SEC16B: variants seen among roughly 807,000 people sequenced by gnomAD.
SEC16B encodes protein transport protein Sec16B.
Under a neutral mutation model 141.8 loss-of-function variants are expected in SEC16B, and 115 were observed. The ratio of observed to expected loss-of-function variants is 0.81; its 90% CI spans 0.70 to 0.95. The LOEUF (loss-of-function observed/expected upper bound fraction) is 0.95, where lower values mean the gene tolerates loss of function less well. Among genes scored for constraint, SEC16B ranks in the 40% least tolerant of loss-of-function variants. SEC16B has a pLI of 0.00. For synonymous variants in SEC16B, 493 were observed against 492.5 expected (o/e 1.00, Z -0.01); for missense variants, 1,291 against 1,312.3 (o/e 0.98, Z 0.25).
chr1:177,958,142 C>T lies in SEC16B; in HGVS notation c.1355G>A (p.Gly452Glu). The T allele has an allele frequency of 6.6e-7, 1 of 1,514,670 alleles. No homozygotes were observed. Among genetic ancestry groups the T allele is most frequent in the African/African-American group, 1.4e-5 (1 of 72,176 alleles). The allele number at this position is 1,514,670 out of a possible 1,614,324, so 93.8% of individuals were successfully genotyped here. A position where few individuals can be genotyped will look rare whatever the true frequency, so the allele number is the denominator to read the frequency against. The change falls in exon 10 of 26, where the codon GGA (glycine) becomes GAA (glutamate). Residue 452 changes from glycine to glutamate, a missense_variant. Physicochemically the swap from Gly to Glu is moderately conservative, Grantham distance 98. Around this residue, in one of 3 missense-constraint regions of SEC16B, gnomAD observed 681 missense variants for 675.5 expected, o/e 1.01. Transcript: ENST00000308284. ...GAAGGGCATACTTGCCTTCTTCCTT[C>T]CATAGTAGAGCAGCCTAGTGAATTT... ...VEKFTRLLYY[G>E]RKKEALEWAM...
At chr1:177,950,964 G>T (rs1182379730) in intron 12 of SEC16B, among the ~76,000 whole-genome samples, 1 of 117,708 alleles carries the variant, frequency 8.5e-6, no homozygotes, top group Non-Finnish European at 1.7e-5. Context: ...AAGGAAAGAA[G>T]GAAGGAAGGG....
rs373416583 is a variant in SEC16B, at chr1:177,965,924, A to G, written c.381T>C (p.His127=). Residue 127 remains histidine, a synonymous_variant, in exon 3 of 26, where the codon CAT becomes CAC. Transcript: ENST00000308284. ...EEYAYGSYYY[H]GHPQWLQEER... is the part of the protein sequence containing the mutation. ...CTTCCTGCAGCCACTGTGGGTGTCC[A>G]TGATAGTAATAACTTCCATAAGCAT... 6 of 1,597,066 alleles carry G rather than the reference A, an allele frequency of 3.8e-6. No individual in the cohort carries two copies. The highest frequency in any genetic ancestry group is 2.2e-5 in the East Asian group (1 of 44,482).
At position 177,932,516 on chromosome 1, in the gene SEC16B, C is replaced by G. The variant is rs760550726; in HGVS notation, c.2986G>C (p.Gly996Arg). The change falls in exon 24 of 26, where the codon GGG becomes CGG. Residue 996 changes from glycine to arginine, a missense_variant. Gly to Arg is a moderately radical substitution (Grantham distance 125). Transcript: ENST00000308284. ...ASSGGAAAGAGVGGLSGPESV... is the reference protein window; with the variant it reads ...ASSGGAAAGARVGGLSGPESV... ...TCTGGTCCAGACAAGCCTCCAACCC[C>G]AGCGCCCGCAGCTGCTCCCCCGCTG... The G allele has an allele frequency of 9.0e-6, 14 of 1,553,066 alleles. No homozygotes were observed. Among genetic ancestry groups the G allele is most frequent in the African/African-American group, 1.4e-5 (1 of 72,918 alleles).
chr1:177,937,168 C>T (rs1650904331), intron 19 of SEC16B, 46 bp downstream of exon 19: 2 of 1,554,884 alleles, frequency 1.3e-6, no homozygotes, highest in Non-Finnish European at 1.7e-6. Context: ...TTCCTCCCCA[C>T]CCAGACCCTA....
chr1:177,939,920 CT>C (rs1324527864), intron 17 of SEC16B, 143 bp from the exon 18 acceptor site: 5 of 691,662 alleles, frequency 7.2e-6, no homozygotes, highest in Non-Finnish European at 9.6e-6. Flanking sequence ...GCTTAGGGGC[CT>C]GGGGGGTCAC....
upstream of SEC16B, among the ~76,000 whole-genome samples, chr1:177,974,629 C>T (rs796783994): frequency 3.3e-5 from 5 of 152,218 alleles, no homozygotes; most frequent in African/African-American, 1.2e-4. Context: ...TCAGTAGGGC[C>T]ATGGTCAAGG....
intron 1 of SEC16B, among the ~76,000 whole-genome samples, chr1:177,982,792 C>A (rs1216200077): frequency 6.6e-6 from 1 of 152,142 alleles, no homozygotes; most frequent in East Asian, 1.9e-4. Flanking sequence ...TTATTTCAAG[C>A]AATTTCATTT....
At chr1:177,966,052 A>AAGAGAG in intron 2 of SEC16B, 47 bp from the exon 3 acceptor site, 1 of 1,212,570 alleles carries the variant, frequency 8.2e-7, no homozygotes, top group Non-Finnish European at 1.2e-6. Context: ...AAGGGTAGTA[A>AAGAGAG]AGAGAGAAAC....
intron 1 of SEC16B, among the ~76,000 whole-genome samples, chr1:177,969,240 C>G (rs1316716588): frequency 6.6e-6 from 1 of 152,138 alleles, no homozygotes; most frequent in African/African-American, 2.4e-5. Flanking sequence ...GAAATTGAGA[C>G]GTCACTCTGC....
chr1:177,933,586 T>C lies in SEC16B; in HGVS notation c.2622A>G (p.Ser874=). 1 of 1,614,006 alleles carries C rather than the reference T, an allele frequency of 6.2e-7. No homozygotes were observed. Among genetic ancestry groups the C allele is most frequent in the African/African-American group, 1.3e-5 (1 of 75,054 alleles). ...AGGACTCCTTCTCATCCTCCTTGGC[T>C]GAACTGGCGGAACTCTCAGAAATAC... The part of the protein sequence containing the change: ...PRSISESSAS[S]AKEDEKESSD... Residue 874 remains serine, a synonymous_variant, in exon 21 of 26, where the codon TCA becomes TCG. Transcript: ENST00000308284.
intron 24 of SEC16B, 128 bp from the exon 25 acceptor site, chr1:177,930,771 C>T: frequency 1.6e-6 from 1 of 632,988 alleles, no homozygotes; most frequent in Non-Finnish European, 2.8e-6. Context: ...TCCTTATCGA[C>T]TCTCCAAAGG....
Position 177,958,218 on chromosome 1 carries a change from G to A in SEC16B, c.1279C>T (p.Leu427Phe), listed in dbSNP as rs773181435. The A allele has an allele frequency of 1.2e-6, 2 of 1,603,268 alleles. No individual in the cohort carries two copies. Among genetic ancestry groups the A allele is most frequent in the African/African-American group, 2.7e-5 (2 of 74,674 alleles). Residue 427 changes from leucine to phenylalanine, a missense_variant, in exon 10 of 26, where the codon CTC becomes TTC. Transcript: ENST00000308284. ...ACACTGGGGGGGATCTCTCCCGTGAGCAGGTTCGGGGTCCCAGAGCTCAGC... is the reference window on the plus strand; with the variant it reads ...ACACTGGGGGGGATCTCTCCCGTGAACAGGTTCGGGGTCCCAGAGCTCAGC... The part of the protein sequence containing the change: ...PVLSSGTPNL[L>F]TGEIPPSVET...
upstream of SEC16B, among the ~76,000 whole-genome samples, chr1:177,970,928 T>G (rs1653915779): frequency 6.6e-6 from 1 of 152,178 alleles, no homozygotes. Context: ...TAGTCTCTCA[T>G]GTCTGTCCTT....
chr1:177,945,103 T>C (rs1164449353), intron 14 of SEC16B, among the ~76,000 whole-genome samples: 2 of 152,124 alleles, frequency 1.3e-5, no homozygotes, highest in African/African-American at 4.8e-5. Context: ...AGGGGAGCCA[T>C]GTAACACTCC....
At position 177,967,816 on chromosome 1, in the gene SEC16B, G is replaced by A; in HGVS notation, c.166C>T (p.Pro56Ser). 6.2e-7 allele frequency: 1 copy of A among 1,613,966 alleles called. No individual in the cohort carries two copies. Among genetic ancestry groups the A allele is most frequent in the East Asian group, 2.2e-5 (1 of 44,866 alleles). The change falls in exon 2 of 26, where the codon CCC (proline) becomes TCC (serine). Residue 56 changes from proline (P) to serine (S), a missense_variant. This residue lies in a region of SEC16B where 681 missense variants were observed against 675.5 expected (regional missense o/e 1.01). Transcript: ENST00000308284. Reference protein sequence around the residue: ...FHQWQDNRGSPQPQQEPRADH... With the variant: ...FHQWQDNRGSSQPQQEPRADH... ...GCCCTGGGCTCCTGCTGTGGCTGGG[G>A]GCTCCCACGGTTGTCTTGCCATTGG...
chr1:177,952,115 G>A, intron 11 of SEC16B, 120 bp from the exon 12 acceptor site: 1 of 793,552 alleles, frequency 1.3e-6, no homozygotes, highest in Non-Finnish European at 2.1e-6. Context: ...AGGAACATGA[G>A]CATCGCTTTG....
rs1355626292 is a variant in SEC16B, at chr1:177,937,510, T to A, written c.2207A>T (p.Asn736Ile). 1 of 1,537,300 alleles carries A rather than the reference T, an allele frequency of 6.5e-7. No homozygotes were observed. The highest frequency in any genetic ancestry group is 1.3e-5 in the South Asian group (1 of 79,138). Reference sequence around the variant, plus strand: ...TCCAGAAAAGTCCTGGTAGAAAGTGTTTTCTAAGGACGTGGAACAAAGGTA... The same window carrying A: ...TCCAGAAAAGTCCTGGTAGAAAGTGATTTCTAAGGACGTGGAACAAAGGTA... Reference protein sequence around the residue: ...ISGAGGTTTENTFYQDFSGCQ... With the variant: ...ISGAGGTTTEITFYQDFSGCQ... Residue 736 changes from asparagine to isoleucine, a missense_variant, in exon 19 of 26, where the codon AAC becomes ATC. Transcript: ENST00000308284.
At chr1:177,978,700 C>CAAATAAAT (rs3040686) in intron 1 of SEC16B, among the ~76,000 whole-genome samples, 9,629 of 137,340 alleles carry the variant, frequency 0.07, 361 homozygotes, top group Non-Finnish European at 0.082. Context: ...GACCCTGTCT[C>CAAATAAAT]AAATAAATAA....
intron 12 of SEC16B, among the ~76,000 whole-genome samples, chr1:177,948,995 T>C (rs1324740059): frequency 6.6e-6 from 1 of 151,530 alleles, no homozygotes; most frequent in Non-Finnish European, 1.5e-5. Context: ...CATAGCCGCC[T>C]ACCTTCCAAT....
Sources: allele counts gnomAD v4.1 joint callset (sites outside exome capture counted in the v4.1 genomes callset), GRCh38; gene constraint gnomAD v4.1.1; regional missense constraint gnomAD v4.1.1; transcripts MANE v1.5; gene names NCBI Gene and HGNC (gene_info 2026-07-23, HGNC 2026-07-21).